Variants in COL28A1 observed in about 807,000 individuals in gnomAD.
The protein encoded by COL28A1 is collagen type XXVIII alpha 1 chain.
COL28A1 carries 161 observed loss-of-function variants against 150.2 expected under a neutral mutation model. That is an observed-to-expected ratio of 1.07 (90% CI 0.94 to 1.22). The LOEUF (loss-of-function observed/expected upper bound fraction) is 1.22, where lower values mean the gene tolerates loss of function less well. COL28A1 is among the 50% of genes most tolerant of loss of function. The pLI, the probability that COL28A1 is intolerant of heterozygous loss-of-function variation, is 0.00. For synonymous variants in COL28A1, 552 were observed against 469.7 expected (o/e 1.18, Z -2.26); for missense variants, 1,617 against 1,388.3 (o/e 1.16, Z -2.62).
Position 7,432,630 on chromosome 7 carries a change from A to G in COL28A1, c.1929+2T>C, listed in dbSNP as rs372433721. ...GAGGGAAGAAAAAAATGTCCCACTT[A>G]CAGGCACACCAGGATAGCCATCACC... On this transcript the variant is annotated splice_donor_variant, in intron 24 of 34. Transcript: ENST00000399429. LOFTEE classifies it high-confidence loss of function. The G allele has an allele frequency of 1.7e-5, 28 of 1,613,874 alleles. No individual in the cohort carries two copies. The African/African-American group carries it at 3.5e-4, about 20-fold the overall frequency.
chr7:7,442,862 CCATCTCTACTAAAAATA>C (rs148406794), intron 20 of COL28A1, among the ~76,000 whole-genome samples: 3,543 of 151,976 alleles, frequency 0.023, 113 homozygotes, highest in African/African-American at 0.074. Context: ...TGGTGAAACC[CCATCTCTACTAAAAATA>C]CAAAAATTAG....
At chr7:7,487,070 T>G (rs1413008698) in intron 13 of COL28A1, among the ~76,000 whole-genome samples, 6 of 152,162 alleles carry the variant, frequency 3.9e-5, no homozygotes, top group Non-Finnish European at 8.8e-5. Context: ...GAGTAGTAAA[T>G]GTACTAAGTA....
chr7:7,371,096 G>C (rs1781202459), intron 32 of COL28A1, among the ~76,000 whole-genome samples: 1 of 152,164 alleles, frequency 6.6e-6, no homozygotes, highest in African/African-American at 2.4e-5. Flanking sequence ...AGAATGACTT[G>C]AATGTATGTT....
the COL28A1 span, among the ~76,000 whole-genome samples, chr7:7,351,125 G>C: frequency 6.6e-6 from 1 of 152,090 alleles, no homozygotes; most frequent in African/African-American, 2.4e-5. Context: ...ATCCATAAGA[G>C]TATAAGAATT....
At chr7:7,423,634 T>G (rs909060823) in intron 25 of COL28A1, among the ~76,000 whole-genome samples, 2 of 152,148 alleles carry the variant, frequency 1.3e-5, no homozygotes, top group South Asian at 2.1e-4. Context: ...AAGAAAAAAT[T>G]TGACACTGTA....
intron 25 of COL28A1, chr7:7,431,068 G>T (rs771986173): frequency 3.9e-5 from 6 of 153,340 alleles, no homozygotes; most frequent in Non-Finnish European, 5.8e-5. Context: ...TTCCACCTGG[G>T]AGAGGGCAAA....
chr7:7,524,703 AAT>A (rs1422289703), intron 3 of COL28A1, among the ~76,000 whole-genome samples: 3 of 152,200 alleles, frequency 2.0e-5, no homozygotes, highest in Non-Finnish European at 4.4e-5. Context: ...AGATTAAAAC[AAT>A]ATAGTCATAA....
chr7:7,485,081 A>G (rs1005783118), intron 13 of COL28A1, among the ~76,000 whole-genome samples: 2 of 152,134 alleles, frequency 1.3e-5, no homozygotes, highest in Non-Finnish European at 2.9e-5. Flanking sequence ...TGTGACATGC[A>G]ATTTACCTAT....
chr7:7,442,663 T>C (rs138428505), intron 20 of COL28A1, among the ~76,000 whole-genome samples: 418 of 152,332 alleles, frequency 2.7e-3, no homozygotes, highest in African/African-American at 8.4e-3. Context: ...AGAACACTAA[T>C]ATGTATACAA....
chr7:7,369,718 T>C (rs1051500205), intron 33 of COL28A1, among the ~76,000 whole-genome samples: 7 of 152,226 alleles, frequency 4.6e-5, no homozygotes, highest in African/African-American at 1.7e-4. Context: ...GCCTGATTCC[T>C]GAATGGCCCT....
At chr7:7,515,097 A>G (rs1781348553) in intron 8 of COL28A1, among the ~76,000 whole-genome samples, 1 of 152,194 alleles carries the variant, frequency 6.6e-6, no homozygotes, top group South Asian at 2.1e-4. Flanking sequence ...TGAAGGTTGT[A>G]GCCCTGTAGG....
chr7:7,510,746 G>C (rs1375389909), intron 9 of COL28A1, among the ~76,000 whole-genome samples: 1 of 152,158 alleles, frequency 6.6e-6, no homozygotes, highest in East Asian at 1.9e-4. Context: ...CCTGTTTTCA[G>C]TGTTTGCATC....
the COL28A1 span, among the ~76,000 whole-genome samples, chr7:7,350,479 G>A: frequency 3.9e-5 from 6 of 152,218 alleles, no homozygotes; most frequent in East Asian, 7.7e-4. Context: ...CAATCTCACT[G>A]TGTTTGTCAA....
intron 3 of COL28A1, among the ~76,000 whole-genome samples, chr7:7,525,428 C>G (rs1454737785): frequency 6.6e-6 from 1 of 152,118 alleles, no homozygotes; most frequent in Non-Finnish European, 1.5e-5. Flanking sequence ...AAGACAAACG[C>G]TGGAAAGAAA....
intron 25 of COL28A1, among the ~76,000 whole-genome samples, chr7:7,420,894 C>T (rs1395709343): frequency 6.6e-6 from 1 of 152,194 alleles, no homozygotes; most frequent in East Asian, 1.9e-4. Context: ...AAACAGGAAC[C>T]CTCATAATTG....
At chr7:7,397,067 T>C (rs1038381755) in intron 27 of COL28A1, among the ~76,000 whole-genome samples, 5 of 152,218 alleles carry the variant, frequency 3.3e-5, no homozygotes, top group Non-Finnish European at 5.9e-5. Flanking sequence ...GCTGTTGTAA[T>C]GAATTGCCAT....
intron 4 of COL28A1, among the ~76,000 whole-genome samples, chr7:7,522,571 G>A (rs1026149027): frequency 2.6e-5 from 4 of 152,198 alleles, no homozygotes; most frequent in Non-Finnish European, 4.4e-5. Flanking sequence ...AAAACTTACA[G>A]AATGAAATGG....
intron 15 of COL28A1, among the ~76,000 whole-genome samples, chr7:7,459,362 C>A (rs56677263): frequency 0.23 from 35,332 of 152,100 alleles, 6,112 homozygotes; most frequent in African/African-American, 0.49. Flanking sequence ...TCTAAAATTC[C>A]TATCACTCAC....
chr7:7,535,711 C>T (rs1782604826), intron 1 of COL28A1, 39 bp downstream of exon 1: 1 of 152,138 alleles, frequency 6.6e-6, no homozygotes, highest in Non-Finnish European at 1.5e-5. Context: ...ATGGTCCTAT[C>T]TGATTTCAAG....
Sources: gnomAD v4.1 joint callset for allele counts (sites outside exome capture counted in the v4.1 genomes callset) on GRCh38, gnomAD v4.1.1 for gene constraint, MANE v1.5 for transcripts, NCBI Gene and HGNC (gene_info 2026-07-23, HGNC 2026-07-21) for gene names.